Variants in ME3 observed in about 807,000 individuals in gnomAD.
ME3 encodes NADP-dependent malic enzyme, mitochondrial.
A neutral mutation model predicts 68.9 loss-of-function variants in ME3; 48 were observed. That is an observed-to-expected ratio of 0.70 (90% confidence interval 0.55 to 0.89). The LOEUF is 0.89. ME3 is among the 40% of genes least tolerant of loss of function. The pLI is 0.00. For missense variants in ME3, 675 were observed against 797.4 expected (o/e 0.85, Z 1.85); for synonymous variants, 320 against 318.8 (o/e 1.00, Z -0.04).
intron 4 of ME3, among the ~76,000 whole-genome samples, chr11:86,555,103 G>A (rs568477568): frequency 1.3e-5 from 2 of 152,248 alleles, no homozygotes; most frequent in Admixed American, 1.3e-4. Context: ...GGAGTTTGAG[G>A]CAGACAGGAC....
At chr11:86,667,743 C>T (rs1946670693) in intron 2 of ME3, 1 of 152,014 alleles carries the variant, frequency 6.6e-6, no homozygotes, top group Non-Finnish European at 1.5e-5. Context: ...GACGGCTCTT[C>T]CTAAAAGACA....
At chr11:86,461,752 C>T (rs919818876) in intron 8 of ME3, among the ~76,000 whole-genome samples, 26 of 152,266 alleles carry the variant, frequency 1.7e-4, no homozygotes, top group Middle Eastern at 3.4e-3. Flanking sequence ...ATCTGGGTGG[C>T]GCATGCTCCT....
At chr11:86,528,516 T>G in intron 4 of ME3, among the ~76,000 whole-genome samples, 1 of 152,104 alleles carries the variant, frequency 6.6e-6, no homozygotes, top group Non-Finnish European at 1.5e-5. Flanking sequence ...CTAATAGACA[T>G]CTACAGAACT....
intron 2 of ME3, among the ~76,000 whole-genome samples, chr11:86,615,599 C>A (rs1942902582): frequency 6.6e-6 from 1 of 152,150 alleles, no homozygotes; most frequent in Non-Finnish European, 1.5e-5. Context: ...TGAGTCTGCA[C>A]CTTGCTTTCA....
intron 2 of ME3, among the ~76,000 whole-genome samples, chr11:86,650,555 T>C (rs960581386): frequency 5.3e-5 from 8 of 152,148 alleles, no homozygotes; most frequent in African/African-American, 1.9e-4. Context: ...TTGCTATCTA[T>C]CCATCTGACA....
chr11:86,608,612 T>A (rs1213695301), intron 2 of ME3, among the ~76,000 whole-genome samples: 1 of 152,216 alleles, frequency 6.6e-6, no homozygotes, highest in Non-Finnish European at 1.5e-5. Flanking sequence ...CTTGGAAACC[T>A]GCCCATGTCC....
intron 2 of ME3, among the ~76,000 whole-genome samples, chr11:86,567,533 G>A (rs1022378291): frequency 4.4e-4 from 67 of 152,158 alleles, no homozygotes; most frequent in African/African-American, 1.6e-3. Context: ...GGAGGCCCAG[G>A]TATCTAATTA....
At chr11:86,556,696 G>A in exon 4 of ME3, 1 of 1,613,988 alleles carries the variant, frequency 6.2e-7, no homozygotes, top group Non-Finnish European at 8.5e-7. Context: ...TCATGAGAAT[G>A]ATGTACCTTG....
intron 2 of ME3, among the ~76,000 whole-genome samples, chr11:86,655,231 G>T (rs1422967912): frequency 6.6e-6 from 1 of 152,120 alleles, no homozygotes; most frequent in Non-Finnish European, 1.5e-5. Context: ...TTTCTTCACA[G>T]AATTGGAAAA....
At chr11:86,557,900 C>A (rs1594437479) in intron 3 of ME3, among the ~76,000 whole-genome samples, 1 of 152,184 alleles carries the variant, frequency 6.6e-6, no homozygotes. Flanking sequence ...CGCCCCTCAC[C>A]CAGCACAGAT....
intron 2 of ME3, among the ~76,000 whole-genome samples, chr11:86,670,374 G>A (rs1220226450): frequency 6.6e-6 from 1 of 152,196 alleles, no homozygotes; most frequent in Non-Finnish European, 1.5e-5. Flanking sequence ...GAGAGAATCT[G>A]CATCTTGAGC....
chr11:86,498,678 T>C (rs1292256255), intron 5 of ME3, among the ~76,000 whole-genome samples: 1 of 152,168 alleles, frequency 6.6e-6, no homozygotes, highest in African/African-American at 2.4e-5. Context: ...CAAGCTACAC[T>C]GGGATTTACC....
In ME3 at chr11:86,470,906, G is replaced by A. The variant is rs570391176; in HGVS notation, c.810-5706C>T. ...ACTTATTTTCTGAAAATCCTAAGAG[G>A]GCTTCCACTGCCTGTGGGGTTATAT... On this transcript the variant is annotated intron_variant, in intron 7 of 14. Coordinates refer to ENST00000543262, the Ensembl canonical transcript of ME3. Among the ~76,000 whole-genome samples the A allele has an allele frequency of 1.9e-3, 292 of 152,140 alleles. 2 individuals are homozygous for A. Among genetic ancestry groups the A allele is most frequent in the African/African-American group, 6.9e-3 (287 of 41,494 alleles).
chr11:86,570,294 CAA>C (rs1342204222), intron 2 of ME3, among the ~76,000 whole-genome samples: 2 of 152,176 alleles, frequency 1.3e-5, no homozygotes, highest in African/African-American at 4.8e-5. Context: ...GAGCTGTGGG[CAA>C]TTAGCTCTGA....
chr11:86,519,105 A>G (rs780534010), intron 4 of ME3, among the ~76,000 whole-genome samples: 2 of 152,222 alleles, frequency 1.3e-5, no homozygotes, highest in Non-Finnish European at 2.9e-5. Context: ...AGCCCTAGGA[A>G]GCAAATATGC....
intron 5 of ME3, among the ~76,000 whole-genome samples, chr11:86,506,793 A>G (rs1953110469): frequency 6.6e-6 from 1 of 152,172 alleles, no homozygotes; most frequent in Non-Finnish European, 1.5e-5. Flanking sequence ...GAAAGAGATA[A>G]CTTTACAGGA....
chr11:86,634,901 C>T (rs914941659), intron 2 of ME3, among the ~76,000 whole-genome samples: 2 of 150,770 alleles, frequency 1.3e-5, no homozygotes, highest in African/African-American at 4.9e-5. Context: ...GACTTGTAAT[C>T]GTGAGAATAA....
chr11:86,667,130 G>C (rs745743933), intron 2 of ME3, among the ~76,000 whole-genome samples: 6 of 152,194 alleles, frequency 3.9e-5, no homozygotes, highest in Non-Finnish European at 5.9e-5. Flanking sequence ...GCCATCACCC[G>C]TGGTGCCTTG....
chr11:86,501,950 T>C (rs77143984), intron 5 of ME3, among the ~76,000 whole-genome samples: 5,289 of 152,260 alleles, frequency 0.035, 327 homozygotes, highest in African/African-American at 0.12. Flanking sequence ...TTCTGAAGCA[T>C]GCCCAGATAT....
Sources: gnomAD v4.1 joint callset for allele counts (sites outside exome capture counted in the v4.1 genomes callset) on GRCh38, gnomAD v4.1.1 for gene constraint, MANE v1.5 for transcripts, NCBI Gene and HGNC (gene_info 2026-07-23, HGNC 2026-07-21) for gene names.